RMDN2: variants seen among roughly 807,000 people sequenced by gnomAD.
RMDN2 encodes the protein regulator of microtubule dynamics 2, also known as regulator of microtubule dynamics protein 2.
RMDN2 carries 61 observed loss-of-function variants against 52.8 expected under a neutral mutation model. The observed-to-expected ratio is 1.16, with a 90% CI of 0.94 to 1.43. RMDN2 has a LOEUF of 1.43. Among genes scored for constraint, RMDN2 ranks in the 40% most tolerant of loss-of-function variants. The pLI is 0.00. For synonymous variants in RMDN2, 180 were observed against 153.1 expected (o/e 1.18, Z -1.30); for missense variants, 592 against 475.3 (o/e 1.25, Z -2.28).
chr2:38,048,953 C>T (rs953241143), intron 10 of RMDN2, among the ~76,000 whole-genome samples: 7 of 152,166 alleles, frequency 4.6e-5, no homozygotes, highest in Admixed American at 2.0e-4. Flanking sequence ...GTATTGAGTA[C>T]CTGCTTACTG....
chr2:38,026,901 A>G (rs1273435843), intron 10 of RMDN2: 2 of 151,192 alleles, frequency 1.3e-5, no homozygotes, highest in Non-Finnish European at 2.9e-5. Flanking sequence ...TCTTTCATTC[A>G]TGGGTTATTT....
At chr2:38,047,673 T>C (rs973728741) in intron 10 of RMDN2, among the ~76,000 whole-genome samples, 1 of 152,220 alleles carries the variant, frequency 6.6e-6, no homozygotes, top group African/African-American at 2.4e-5. Context: ...TTCCTAAATA[T>C]TGCATTCTTT....
At chr2:37,941,880 G>A (rs959119205) in intron 2 of RMDN2, among the ~76,000 whole-genome samples, 2 of 151,430 alleles carry the variant, frequency 1.3e-5, no homozygotes, top group Non-Finnish European at 2.9e-5. Context: ...CCTGGCTTCA[G>A]CCCCCTTTCC....
At chr2:37,993,394 G>A (rs1675082090) in intron 7 of RMDN2, among the ~76,000 whole-genome samples, 1 of 152,098 alleles carries the variant, frequency 6.6e-6, no homozygotes, top group South Asian at 2.1e-4. Context: ...AATGTGTAAA[G>A]AAAGTTTCCA....
At chr2:37,962,726 C>A (rs1348505583) in intron 2 of RMDN2, among the ~76,000 whole-genome samples, 1 of 152,026 alleles carries the variant, frequency 6.6e-6, no homozygotes, top group East Asian at 1.9e-4. Flanking sequence ...GGTTCACACC[C>A]CAGATGTGAC....
chr2:38,030,974 T>C (rs2125273870), intron 10 of RMDN2: 1 of 151,666 alleles, frequency 6.6e-6, no homozygotes, highest in South Asian at 2.1e-4. Context: ...AAGATAGACT[T>C]CTAAAAAAAA....
chr2:38,023,864 C>G (rs1034744668), intron 10 of RMDN2, among the ~76,000 whole-genome samples: 2 of 152,174 alleles, frequency 1.3e-5, no homozygotes, highest in African/African-American at 4.8e-5. Flanking sequence ...ACCCACGAAA[C>G]CATCACCACA....
At chr2:37,927,421 G>A (rs942163660) in intron 1 of RMDN2, among the ~76,000 whole-genome samples, 1 of 152,166 alleles carries the variant, frequency 6.6e-6, no homozygotes, top group African/African-American at 2.4e-5. Flanking sequence ...ATTTGGAATT[G>A]GTGCAGTTCC....
At chr2:37,989,426 C>G (rs1674465800) in intron 5 of RMDN2, 115 bp from the exon 6 acceptor site, 1 of 690,522 alleles carries the variant, frequency 1.4e-6, no homozygotes, top group South Asian at 1.8e-5. Flanking sequence ...TATATGAATA[C>G]TCCTGTTAAA....
At chr2:37,957,362 A>G (rs982199168) in intron 2 of RMDN2, among the ~76,000 whole-genome samples, 1 of 152,136 alleles carries the variant, frequency 6.6e-6, no homozygotes, top group African/African-American at 2.4e-5. Context: ...CTGGCGTGAG[A>G]TGGTATCTCA....
At chr2:38,053,110 G>A (rs1431332) in intron 10 of RMDN2, among the ~76,000 whole-genome samples, 93,250 of 152,036 alleles carry the variant, frequency 0.61, 29,736 homozygotes, top group East Asian at 0.91. Flanking sequence ...TGTACCCACA[G>A]GTGCAAATAA....
At chr2:37,965,274 T>C (rs1378969875) in intron 2 of RMDN2, among the ~76,000 whole-genome samples, 2 of 151,996 alleles carry the variant, frequency 1.3e-5, no homozygotes, top group Non-Finnish European at 2.9e-5. Flanking sequence ...TTGTTATTGA[T>C]TTTGTATATG....
intron 5 of RMDN2, 38 bp from the exon 6 acceptor site, chr2:37,989,503 C>A: frequency 7.2e-7 from 1 of 1,386,064 alleles, no homozygotes; most frequent in Non-Finnish European, 1.0e-6. Context: ...AAAATTTACA[C>A]AGTGGCCACT....
chr2:37,977,031 T>C (rs1042938415), intron 4 of RMDN2, among the ~76,000 whole-genome samples: 1 of 152,068 alleles, frequency 6.6e-6, no homozygotes, highest in Admixed American at 6.6e-5. Context: ...TACTTCAGAT[T>C]AGGGAGTGGT....
chr2:37,956,851 T>C (rs1429571098), intron 2 of RMDN2, among the ~76,000 whole-genome samples: 2 of 150,580 alleles, frequency 1.3e-5, no homozygotes, highest in African/African-American at 2.4e-5. Context: ...TTCCCCTCCC[T>C]ATGTCCATGT....
intron 10 of RMDN2, among the ~76,000 whole-genome samples, chr2:38,014,763 A>G (rs570525042): frequency 5.9e-5 from 9 of 152,346 alleles, no homozygotes; most frequent in East Asian, 3.9e-4. Context: ...TTATTTTACA[A>G]TTATAGAGGT....
chr2:37,969,981 G>A (rs1671579528), intron 2 of RMDN2, among the ~76,000 whole-genome samples: 1 of 151,712 alleles, frequency 6.6e-6, no homozygotes, highest in Admixed American at 6.6e-5. Flanking sequence ...CTCCCAGGCT[G>A]GAGTGCAGTG....
chr2:37,925,035 G>A (rs77766971), upstream of RMDN2, among the ~76,000 whole-genome samples: 2 of 152,214 alleles, frequency 1.3e-5, no homozygotes, highest in African/African-American at 2.4e-5. Flanking sequence ...GCAGCAACGC[G>A]AGAGGGAACG....
At chr2:38,000,432 G>T (rs187302895) in intron 8 of RMDN2, among the ~76,000 whole-genome samples, 11 of 152,292 alleles carry the variant, frequency 7.2e-5, no homozygotes, top group Admixed American at 7.2e-4. Context: ...AACCACCACT[G>T]TAACCACCAC....
Sources: gnomAD v4.1 joint callset for allele counts (sites outside exome capture counted in the v4.1 genomes callset) on GRCh38, gnomAD v4.1.1 for gene constraint, MANE v1.5 for transcripts, NCBI Gene and HGNC (gene_info 2026-07-23, HGNC 2026-07-21) for gene names.